SNTG1: variants seen among roughly 807,000 people sequenced by gnomAD.
SNTG1 encodes syntrophin gamma 1.
A neutral mutation model predicts 74.7 loss-of-function variants in SNTG1; 39 were observed. That is an observed-to-expected ratio of 0.52 (90% CI 0.40 to 0.68). The LOEUF (loss-of-function observed/expected upper bound fraction) is 0.68, where lower values mean the gene tolerates loss of function less well. Ranked by LOEUF, SNTG1 falls within the 30% of genes least tolerant of loss-of-function variation. The pLI is 0.00. For missense variants in SNTG1, 685 were observed against 609.5 expected, an observed-to-expected ratio of 1.12 and a Z score of -1.30; for synonymous variants, 254 against 217.1, an observed-to-expected ratio of 1.17 and a Z score of -1.49.
At chr8:50,629,437 A>G (rs2094980593) in intron 13 of SNTG1, among the ~76,000 whole-genome samples, 1 of 152,084 alleles carries the variant, frequency 6.6e-6, no homozygotes, top group African/African-American at 2.4e-5. Context: ...GAGATAACTC[A>G]ATTTAGATAT....
chr8:49,982,530 TGA>T (rs1174160572), intron 1 of SNTG1, among the ~76,000 whole-genome samples: 1 of 150,542 alleles, frequency 6.6e-6, no homozygotes, highest in Non-Finnish European at 1.5e-5. Context: ...ATAATGTGTG[TGA>T]GTTTATAAAT....
intron 13 of SNTG1, among the ~76,000 whole-genome samples, chr8:50,636,116 T>C (rs572502322): frequency 6.9e-6 from 1 of 144,856 alleles, no homozygotes; most frequent in South Asian, 2.2e-4. Flanking sequence ...CTCATGACTC[T>C]GCCTGAGGTG....
intron 2 of SNTG1, among the ~76,000 whole-genome samples, chr8:50,253,686 CA>C (rs2086748271): frequency 7.7e-6 from 1 of 130,706 alleles, no homozygotes; most frequent in Non-Finnish European, 1.7e-5. Flanking sequence ...TACACACACA[CA>C]TATATAAATA....
chr8:50,619,651 A>T (rs746966675), intron 13 of SNTG1, among the ~76,000 whole-genome samples: 1 of 151,652 alleles, frequency 6.6e-6, no homozygotes, highest in Admixed American at 6.6e-5. Flanking sequence ...GAATGGCATG[A>T]ACCCGGGAGG....
At chr8:50,130,569 A>C (rs1471568332) in intron 1 of SNTG1, among the ~76,000 whole-genome samples, 1 of 152,154 alleles carries the variant, frequency 6.6e-6, no homozygotes, top group African/African-American at 2.4e-5. Context: ...AAAGAATGCA[A>C]ATACCAGCTT....
chr8:50,448,403 A>G (rs1207500709), intron 5 of SNTG1, among the ~76,000 whole-genome samples: 1 of 152,160 alleles, frequency 6.6e-6, no homozygotes, highest in Non-Finnish European at 1.5e-5. Flanking sequence ...AAAAATGGGC[A>G]TGCAAGGGAA....
At chr8:50,509,613 C>T (rs1254071167) in intron 9 of SNTG1, among the ~76,000 whole-genome samples, 3 of 151,992 alleles carry the variant, frequency 2.0e-5, no homozygotes, top group Non-Finnish European at 2.9e-5. Context: ...GTGTAGTTCT[C>T]CTTGAAGAGG....
chr8:50,624,714 C>T (rs545997598), intron 13 of SNTG1, among the ~76,000 whole-genome samples: 1 of 152,170 alleles, frequency 6.6e-6, no homozygotes, highest in Non-Finnish European at 1.5e-5. Flanking sequence ...TTCAAGTTTA[C>T]AGTACTTAGT....
intron 13 of SNTG1, among the ~76,000 whole-genome samples, chr8:50,618,389 T>C (rs879466173): frequency 2.6e-5 from 4 of 152,250 alleles, no homozygotes; most frequent in Non-Finnish European, 5.9e-5. Flanking sequence ...ATCTACATAC[T>C]ATTCACATTA....
intron 2 of SNTG1, among the ~76,000 whole-genome samples, chr8:50,322,995 A>G (rs1376949531): frequency 2.6e-5 from 4 of 151,662 alleles, no homozygotes; most frequent in Non-Finnish European, 4.4e-5. Flanking sequence ...ACATGCCTGC[A>G]CTTCCAGCCA....
At chr8:50,417,397 C>A (rs1236277725) in intron 4 of SNTG1, among the ~76,000 whole-genome samples, 1 of 152,162 alleles carries the variant, frequency 6.6e-6, no homozygotes, top group African/African-American at 2.4e-5. Flanking sequence ...GATCCTCACA[C>A]TTTACTTTCT....
At chr8:50,122,967 T>A (rs1276377101) in intron 1 of SNTG1, among the ~76,000 whole-genome samples, 1 of 142,380 alleles carries the variant, frequency 7.0e-6, no homozygotes, top group Non-Finnish European at 1.6e-5. Flanking sequence ...ACACAAACAC[T>A]CTGTGGATTC....
intron 1 of SNTG1, among the ~76,000 whole-genome samples, chr8:49,917,472 A>G (rs1217767012): frequency 6.6e-6 from 1 of 152,182 alleles, no homozygotes. Context: ...TGAAGTCTCT[A>G]AGTCTGATGT....
At chr8:50,290,141 G>T (rs1194430520) in intron 2 of SNTG1, among the ~76,000 whole-genome samples, 1 of 152,088 alleles carries the variant, frequency 6.6e-6, no homozygotes, top group Non-Finnish European at 1.5e-5. Context: ...CAGGGCTGGG[G>T]TCTCTTTCAG....
intron 13 of SNTG1, among the ~76,000 whole-genome samples, chr8:50,628,441 T>C (rs934164004): frequency 6.6e-5 from 10 of 152,184 alleles, no homozygotes; most frequent in African/African-American, 2.4e-4. Context: ...GTTCTGATCT[T>C]ATTTAGGGTC....
chr8:49,918,729 C>A (rs997991049), intron 1 of SNTG1, among the ~76,000 whole-genome samples: 1 of 152,008 alleles, frequency 6.6e-6, no homozygotes, highest in Non-Finnish European at 1.5e-5. Context: ...GTAATTTCTT[C>A]TTTTCTAATC....
intron 1 of SNTG1, among the ~76,000 whole-genome samples, chr8:50,012,424 A>C (rs924859756): frequency 6.6e-6 from 1 of 152,182 alleles, no homozygotes. Context: ...GCTAGGAAGT[A>C]TGGAGTCTTC....
chr8:49,973,469 T>C (rs1369746216), intron 1 of SNTG1, among the ~76,000 whole-genome samples: 2 of 151,400 alleles, frequency 1.3e-5, no homozygotes, highest in Non-Finnish European at 2.9e-5. Flanking sequence ...CATATGTAAC[T>C]AACCTGCACG....
At chr8:50,060,472 T>C (rs1254483101) in intron 1 of SNTG1, among the ~76,000 whole-genome samples, 1 of 152,118 alleles carries the variant, frequency 6.6e-6, no homozygotes, top group African/African-American at 2.4e-5. Context: ...TTCTAGTATT[T>C]TTATTACATT....
Sources: allele counts gnomAD v4.1 joint callset (sites outside exome capture counted in the v4.1 genomes callset), GRCh38; gene constraint gnomAD v4.1.1; transcripts MANE v1.5; gene names NCBI Gene and HGNC (gene_info 2026-07-23, HGNC 2026-07-21).